Variants in GTF2E1 observed in about 807,000 individuals in gnomAD.
GTF2E1 encodes the protein general transcription factor IIE subunit 1.
A neutral mutation model predicts 34.9 loss-of-function variants in GTF2E1; 14 were observed. That is an observed-to-expected ratio of 0.40 (90% CI 0.27 to 0.63). GTF2E1 has a LOEUF of 0.63. Among genes scored for constraint, GTF2E1 ranks in the 20% least tolerant of loss-of-function variants. The pLI is 0.39. For missense variants in GTF2E1, 469 were observed against 557.7 expected, an observed-to-expected ratio of 0.84 and a Z score of 1.60; for synonymous variants, 188 against 192.9, an observed-to-expected ratio of 0.97 and a Z score of 0.21.
At chr3:120,748,723 TG>T (rs1359597025) in intron 1 of GTF2E1, among the ~76,000 whole-genome samples, 4 of 152,248 alleles carry the variant, frequency 2.6e-5, no homozygotes, top group Non-Finnish European at 5.9e-5. Context: ...AGGATTGACT[TG>T]GCAGTGTGGG....
intron 2 of GTF2E1, among the ~76,000 whole-genome samples, chr3:120,760,191 G>A (rs763332284): frequency 2.0e-5 from 3 of 152,088 alleles, no homozygotes; most frequent in Admixed American, 6.6e-5. Context: ...TCTCTATGTG[G>A]CAATTGTGAA....
At chr3:120,763,040 G>T (rs555362557) in intron 2 of GTF2E1, among the ~76,000 whole-genome samples, 1 of 152,106 alleles carries the variant, frequency 6.6e-6, no homozygotes, top group African/African-American at 2.4e-5. Context: ...CTTCAGAAAC[G>T]CACAGGCATA....
intron 2 of GTF2E1, among the ~76,000 whole-genome samples, chr3:120,754,791 T>G (rs1187549113): frequency 5.3e-5 from 8 of 152,210 alleles, no homozygotes; most frequent in Non-Finnish European, 7.4e-5. Flanking sequence ...TAATTTAATT[T>G]TTTTTTAAAA....
At chr3:120,769,155 A>G (rs1559833561) in intron 2 of GTF2E1, among the ~76,000 whole-genome samples, 4 of 151,976 alleles carry the variant, frequency 2.6e-5, no homozygotes, top group Admixed American at 2.0e-4. Flanking sequence ...GGCTTTTTAC[A>G]TATTCATTTT....
rs868374782 is a variant in GTF2E1, at chr3:120,781,600, T to A, written c.*130T>A. On this transcript the variant is annotated 3_prime_UTR_variant, in exon 5 of 5. Transcript: ENST00000283875. ...CAACTGTCCATCCTTGTGCAAAGATTGATGGTAGAGAGTTTGACTTTTATG... is the reference window on the plus strand; with the variant it reads ...CAACTGTCCATCCTTGTGCAAAGATAGATGGTAGAGAGTTTGACTTTTATG... 18 of 700,416 alleles carry A rather than the reference T, an allele frequency of 2.6e-5. No individual in the cohort carries two copies. Among genetic ancestry groups the A allele is most frequent in the Middle Eastern group, 3.5e-4 (1 of 2,836 alleles). The allele number at this position is 700,416 out of a possible 1,614,324, so 43.4% of individuals were successfully genotyped here.
At chr3:120,764,995 T>C (rs961302734) in intron 2 of GTF2E1, among the ~76,000 whole-genome samples, 1 of 151,760 alleles carries the variant, frequency 6.6e-6, no homozygotes, top group Admixed American at 6.6e-5. Flanking sequence ...ATTACTGTTT[T>C]TTTTTTTAAT....
rs74892956 is a variant in GTF2E1 at position 120,765,499 on chromosome 3, G to T, written c.449-5229G>T. 8.4e-3 allele frequency among the ~76,000 whole-genome samples: 1,281 copies of T among 152,250 alleles called. 31 individuals are homozygous for T. The South Asian group carries it at 0.089, about 11-fold the overall frequency. Reference sequence around the variant, plus strand: ...AAAAGTGGAGCTAATGTATATACATGGGAAAAGTTTGCTAAATTGTAGCTG... The same window carrying T: ...AAAAGTGGAGCTAATGTATATACATTGGAAAAGTTTGCTAAATTGTAGCTG... On this transcript the variant is annotated intron_variant, in intron 2 of 4. Coordinates refer to ENST00000283875, the MANE Select transcript of GTF2E1 (RefSeq NM_005513.3).
At chr3:120,769,332 G>A (rs1709333919) in intron 2 of GTF2E1, among the ~76,000 whole-genome samples, 1 of 152,152 alleles carries the variant, frequency 6.6e-6, no homozygotes, top group Non-Finnish European at 1.5e-5. Flanking sequence ...AGTAAACAAA[G>A]TTAGGTTTAT....
intron 2 of GTF2E1, among the ~76,000 whole-genome samples, chr3:120,762,714 C>G (rs1289209416): frequency 6.6e-6 from 1 of 152,198 alleles, no homozygotes; most frequent in African/African-American, 2.4e-5. Context: ...TTCAAGAGCC[C>G]TGGCTTTTAG....
intron 2 of GTF2E1, among the ~76,000 whole-genome samples, chr3:120,756,974 A>G (rs1334066764): frequency 6.6e-6 from 1 of 152,076 alleles, no homozygotes; most frequent in Non-Finnish European, 1.5e-5. Context: ...TCTTTTTTGT[A>G]TTTTGATGCC....
chr3:120,751,064 AT>A, intron 2 of GTF2E1, 64 bp downstream of exon 2: 1 of 976,836 alleles, frequency 1.0e-6, no homozygotes. Flanking sequence ...TCTTAAATTG[AT>A]TCATCTAATT....
At chr3:120,758,937 G>A (rs972226584) in intron 2 of GTF2E1, among the ~76,000 whole-genome samples, 1 of 152,174 alleles carries the variant, frequency 6.6e-6, no homozygotes, top group Admixed American at 6.5e-5. Flanking sequence ...TGTATATCCA[G>A]TAATGTGATG....
intron 2 of GTF2E1, among the ~76,000 whole-genome samples, chr3:120,769,430 G>C (rs769569569): frequency 6.6e-6 from 1 of 152,124 alleles, no homozygotes; most frequent in Non-Finnish European, 1.5e-5. Context: ...TAGAGAATGT[G>C]GGCTTTTGTT....
At chr3:120,753,587 T>C (rs548635870) in intron 2 of GTF2E1, among the ~76,000 whole-genome samples, 1 of 152,328 alleles carries the variant, frequency 6.6e-6, no homozygotes, top group East Asian at 1.9e-4. Flanking sequence ...CAAAAGGTGC[T>C]TAACTCAAGT....
intron 1 of GTF2E1, among the ~76,000 whole-genome samples, chr3:120,747,710 G>A (rs1353024148): frequency 3.3e-5 from 5 of 152,178 alleles, no homozygotes; most frequent in South Asian, 2.1e-4. Flanking sequence ...GTAAACATAC[G>A]TGTGCATGTG....
At chr3:120,771,828 T>C (rs1290216555) in intron 3 of GTF2E1, among the ~76,000 whole-genome samples, 6 of 152,202 alleles carry the variant, frequency 3.9e-5, no homozygotes, top group African/African-American at 1.4e-4. Context: ...TCCAGTACCG[T>C]GTGTCAGTTA....
At position 120,760,047 on chromosome 3, in the gene GTF2E1, G is replaced by A. The variant is rs542216323; in HGVS notation, c.448+9047G>A. On this transcript the variant is annotated intron_variant, in intron 2 of 4. Coordinates refer to ENST00000283875, the MANE Select transcript of GTF2E1 (RefSeq NM_005513.3). ...CCTTGGACAGGATGGCCATTTTCAC[G>A]ATATTGATTCTTCCTATCCTTGAGC... Among the ~76,000 whole-genome samples, 5 of 152,146 alleles carry A rather than the reference G, an allele frequency of 3.3e-5. No individual in the cohort carries two copies. In the East Asian group the frequency reaches 5.8e-4, roughly 18 times the overall value.
chr3:120,742,788 C>T lies in GTF2E1; in HGVS notation c.-37C>T. On this transcript the variant is annotated 5_prime_UTR_variant, in exon 1 of 5. Coordinates refer to ENST00000283875, the MANE Select transcript of GTF2E1 (RefSeq NM_005513.3). ...GCTGTAGTGGGAGTGTTCCAGGATT[C>T]GCCTTGGTAAACCTTGTTCCCTGTT... 2 of 495,136 alleles carry T rather than the reference C, an allele frequency of 4.0e-6. No homozygotes were observed. Among genetic ancestry groups the T allele is most frequent in the South Asian group, 2.1e-5 (1 of 47,156 alleles). 30.7% of individuals were successfully genotyped at this position (495,136 alleles called of 1,614,324 possible).
At position 120,781,274 on chromosome 3, in the gene GTF2E1, A is replaced by C; in HGVS notation, c.1124A>C (p.His375Pro). ...SPPRPAAVAV[H>P]KREEDEEEDD... ...CCCCGTCCGGCAGCTGTGGCTGTGC[A>C]TAAACGAGAAGAGGATGAAGAGGAA... Residue 375 changes from histidine to proline, a missense_variant, in exon 5 of 5, where the codon CAT becomes CCT. Transcript: ENST00000283875. 1 of 1,614,198 alleles carries C rather than the reference A, an allele frequency of 6.2e-7. No homozygotes were observed.
Sources: gnomAD v4.1 joint callset for allele counts (sites outside exome capture counted in the v4.1 genomes callset) on GRCh38, gnomAD v4.1.1 for gene constraint, MANE v1.5 for transcripts, NCBI Gene and HGNC (gene_info 2026-07-23, HGNC 2026-07-21) for gene names.